The following OCM variants were observed in gnomAD, a reference collection of about 807,000 sequenced individuals.
OCM encodes the protein oncomodulin-1.
A neutral mutation model predicts 14.1 loss-of-function variants in OCM; 18 were observed. The observed-to-expected ratio is 1.28, with a 90% confidence interval of 0.88 to 1.89. OCM has a LOEUF of 1.89. Ranked by LOEUF, OCM falls within the 40% of genes most tolerant of loss-of-function variation. The probability of loss-of-function intolerance (pLI) is 0.00; values close to 1 mark genes in which losing one functional copy is unlikely to be tolerated. For synonymous variants in OCM, 48 were observed against 51.0 expected, an observed-to-expected ratio of 0.94 and a Z score of 0.25; for missense variants, 140 against 137.6, an observed-to-expected ratio of 1.02 and a Z score of -0.09.
the OCM span, among the ~76,000 whole-genome samples, chr7:5,872,588 C>T: frequency 1.3e-5 from 2 of 152,130 alleles, no homozygotes; most frequent in South Asian, 4.2e-4. Context: ...AATAGTTACC[C>T]GGTGACAAGG....
the OCM span, among the ~76,000 whole-genome samples, chr7:5,874,223 CAAAAAAAAAAA>C: frequency 2.6e-3 from 83 of 31,486 alleles, 1 homozygote; most frequent in East Asian, 0.066. Context: ...GACTCTGTCT[CAAAAAAAAAAA>C]AAAAAAAAAA....
chr7:5,882,709 C>T, intron 2 of OCM, 84 bp downstream of exon 2: 2 of 1,504,758 alleles, frequency 1.3e-6, no homozygotes, highest in Non-Finnish European at 1.8e-6. Context: ...CTCAGTATTT[C>T]TTCAATGGCC....
Position 5,883,954 on chromosome 7 carries a change from A to G in OCM, c.259A>G (p.Met87Val), listed in dbSNP as rs1473575492. ...GACCGAGTCAGAAACCAAGTCCTTG[A>G]TGGCTGCGGCGGATAATGATGGAGA... is the stretch of plus-strand genomic sequence containing the variant. ...ELTESETKSL[M>V]AAADNDGDGK... is the part of the protein sequence containing the mutation. Residue 87 changes from methionine (M) to valine (V), a missense_variant, in exon 3 of 4, where the codon ATG becomes GTG. Physicochemically the swap from Met to Val is conservative, Grantham distance 21. Transcript: ENST00000242104. The G allele has an allele frequency of 3.7e-6, 6 of 1,613,616 alleles. No homozygotes were observed. Among genetic ancestry groups the G allele is most frequent in the Admixed American group, 1.7e-5 (1 of 59,906 alleles).
At chr7:5,869,113 C>T in the OCM span, among the ~76,000 whole-genome samples, 1 of 152,072 alleles carries the variant, frequency 6.6e-6, no homozygotes, top group African/African-American at 2.4e-5. Flanking sequence ...CAAAGTTCCA[C>T]ATAGCTAGGC....
rs201998985 is a variant in OCM at position 5,882,606 on chromosome 7, C to T, written c.175C>T (p.Leu59=). 6.2e-7 allele frequency: 1 copy of T among 1,613,916 alleles called. No individual in the cohort carries two copies. Among genetic ancestry groups the T allele is most frequent in the Admixed American group, 1.7e-5 (1 of 59,974 alleles). ...CATAGACAACGACCAGAGCGGGTACCTGGATGAAGAAGAGCTTAAGTAAGC... is the reference window on the plus strand; with the variant it reads ...CATAGACAACGACCAGAGCGGGTACTTGGATGAAGAAGAGCTTAAGTAAGC... ...RFIDNDQSGY[L]DEEELKFFLQ... Residue 59 remains leucine, a synonymous_variant, in exon 2 of 4, where the codon CTG becomes TTG. Transcript: ENST00000242104.
At chr7:5,879,839 G>C (rs1435500656), upstream of OCM, 1 of 151,600 alleles carries the variant, frequency 6.6e-6, no homozygotes, top group Non-Finnish European at 1.5e-5. Flanking sequence ...AAATCTAAGA[G>C]GTTGTAACTA....
the OCM span, among the ~76,000 whole-genome samples, chr7:5,865,682 C>T: frequency 3.9e-5 from 6 of 152,146 alleles, no homozygotes; most frequent in Non-Finnish European, 7.3e-5. Flanking sequence ...TCACCTCTAG[C>T]GATGGGAGAA....
chr7:5,860,787 T>C, the OCM span, among the ~76,000 whole-genome samples: 2 of 98,186 alleles, frequency 2.0e-5, no homozygotes, highest in Non-Finnish European at 3.7e-5. Flanking sequence ...TACGTGTATA[T>C]ATACATATAT....
At chr7:5,883,476 G>A (rs1272498819) in intron 2 of OCM, among the ~76,000 whole-genome samples, 2 of 152,232 alleles carry the variant, frequency 1.3e-5, no homozygotes, top group African/African-American at 2.4e-5. Context: ...GTGAGCCCAG[G>A]GGTTCCAGAC....
chr7:5,868,235 C>G, the OCM span, among the ~76,000 whole-genome samples: 3 of 152,118 alleles, frequency 2.0e-5, no homozygotes, highest in African/African-American at 7.2e-5. Context: ...CAACCTCAAC[C>G]ACCTGGGCTC....
the OCM span, among the ~76,000 whole-genome samples, chr7:5,860,689 T>G: frequency 1.9e-5 from 2 of 107,788 alleles, 1 homozygote; most frequent in Non-Finnish European, 3.6e-5. Context: ...TACGTGTGTA[T>G]ATATTATTAC....
At chr7:5,878,002 G>A (rs1481364858), upstream of OCM, among the ~76,000 whole-genome samples, 1 of 145,022 alleles carries the variant, frequency 6.9e-6, no homozygotes. Context: ...GCGGAATCTC[G>A]CTCTGTCACC....
chr7:5,867,319 AAGAAG>A, the OCM span, among the ~76,000 whole-genome samples: 2 of 152,168 alleles, frequency 1.3e-5, no homozygotes, highest in Admixed American at 6.6e-5. Context: ...CTCAAAAAAA[AAGAAG>A]AGAAGTCTGA....
At chr7:5,878,017 C>CT (rs1248691125), upstream of OCM, among the ~76,000 whole-genome samples, 1 of 149,526 alleles carries the variant, frequency 6.7e-6, no homozygotes, top group African/African-American at 2.5e-5. Context: ...GTCACCCAGG[C>CT]TGTAGTGCAG....
At chr7:5,865,657 A>G in the OCM span, among the ~76,000 whole-genome samples, 4 of 152,212 alleles carry the variant, frequency 2.6e-5, no homozygotes, top group African/African-American at 9.6e-5. Context: ...CACCAACCTA[A>G]TTAATGAACA....
chr7:5,884,722 A>G (rs960159147), intron 3 of OCM, among the ~76,000 whole-genome samples: 5 of 151,852 alleles, frequency 3.3e-5, no homozygotes, highest in African/African-American at 1.2e-4. Flanking sequence ...ATTAAAAAAA[A>G]AAAAACCTGT....
the OCM span, among the ~76,000 whole-genome samples, chr7:5,872,919 G>A: frequency 1.3e-5 from 2 of 152,004 alleles, no homozygotes; most frequent in Non-Finnish European, 2.9e-5. Context: ...AATGGATGAT[G>A]GGGCTGGGCA....
upstream of OCM, chr7:5,879,884 A>G (rs1279439660): frequency 1.3e-5 from 2 of 152,262 alleles, no homozygotes; most frequent in African/African-American, 4.8e-5. Flanking sequence ...TAGGTCAGTA[A>G]GGTAGCAAAA....
chr7:5,885,591 T>G (rs2108071), intron 3 of OCM, among the ~76,000 whole-genome samples: 2 of 134,424 alleles, frequency 1.5e-5, no homozygotes, highest in East Asian at 2.1e-4. Flanking sequence ...ATACCCAGGG[T>G]TTTTTTTTCT....
Sources: allele counts gnomAD v4.1 joint callset (sites outside exome capture counted in the v4.1 genomes callset), GRCh38; gene constraint gnomAD v4.1.1; transcripts MANE v1.5; gene names NCBI Gene and HGNC (gene_info 2026-07-23, HGNC 2026-07-21).